Variants in MYH15 observed in about 807,000 individuals in gnomAD.
MYH15 encodes myosin-15.
MYH15 carries 227 observed loss-of-function variants against 240.5 expected under a neutral mutation model. The ratio of observed to expected loss-of-function variants is 0.94; its 90% CI spans 0.85 to 1.05. The LOEUF (loss-of-function observed/expected upper bound fraction) is 1.05, where lower values mean the gene tolerates loss of function less well. Ranked by LOEUF, MYH15 falls within the 50% of genes least tolerant of loss-of-function variation. The pLI, the probability that MYH15 is intolerant of heterozygous loss-of-function variation, is 0.00. For missense variants in MYH15, 2,217 were observed against 2,247.5 expected (o/e 0.99, Z 0.27); for synonymous variants, 785 against 796.7 (o/e 0.99, Z 0.25).
intron 21 of MYH15, among the ~76,000 whole-genome samples, chr3:108,450,325 A>G (rs986364357): frequency 6.6e-6 from 1 of 152,212 alleles, no homozygotes; most frequent in African/African-American, 2.4e-5. Flanking sequence ...AAATAAATAA[A>G]GAAAATGTGT....
At position 108,489,087 on chromosome 3, in the gene MYH15, T is replaced by C. The variant is rs917004291; in HGVS notation, c.872-2561A>G. On this transcript the variant is annotated intron_variant, in intron 9 of 40. Transcript: ENST00000693548. ...CTTCTTTGGAGAGATGTCTGTCAGG[T>C]CCTTTATCCATTTTTTAATCCAGTT... Among the ~76,000 whole-genome samples, 10 of 152,348 alleles carry C rather than the reference T, an allele frequency of 6.6e-5. 1 individual carries two copies. In the East Asian group the frequency reaches 1.9e-3, roughly 29 times the overall value.
chr3:108,465,890 G>C (rs1358441043), intron 14 of MYH15, among the ~76,000 whole-genome samples: 1 of 152,114 alleles, frequency 6.6e-6, no homozygotes, highest in Non-Finnish European at 1.5e-5. Flanking sequence ...TCACACCATT[G>C]CACTCCAGCT....
At chr3:108,470,946 GT>G in intron 12 of MYH15, 99 bp from the exon 13 acceptor site, 1 of 1,201,030 alleles carries the variant, frequency 8.3e-7, no homozygotes, top group Non-Finnish European at 1.2e-6. Context: ...AAATTAGGAT[GT>G]CTTTATTGAC....
In MYH15 at chr3:108,428,472, G is replaced by A; in HGVS notation, c.3702+20C>T. ...ACTTCCATGTTCAGAAGACCACGAG[G>A]ATGGCATGGGAGTATCTACCTTAGC... is the stretch of plus-strand genomic sequence containing the variant. On this transcript the variant is annotated intron_variant, in intron 27 of 40. Coordinates refer to ENST00000693548, the MANE Select transcript of MYH15 (RefSeq NM_014981.3). 2 of 1,581,666 alleles carry A rather than the reference G, an allele frequency of 1.3e-6. No individual in the cohort carries two copies. Among genetic ancestry groups the A allele is most frequent in the Non-Finnish European group, 1.7e-6 (2 of 1,161,254 alleles).
intron 14 of MYH15, 53 bp downstream of exon 14, chr3:108,469,989 G>A: frequency 6.5e-7 from 1 of 1,545,376 alleles, no homozygotes; most frequent in Non-Finnish European, 8.8e-7. Context: ...AACATAGCAG[G>A]CAGGGACAAT....
intron 14 of MYH15, among the ~76,000 whole-genome samples, chr3:108,465,383 C>T (rs947167244): frequency 6.6e-6 from 1 of 152,162 alleles, no homozygotes; most frequent in African/African-American, 2.4e-5. Context: ...CTTGACGGAA[C>T]ACATTTTAAG....
chr3:108,478,741 T>C (rs994151667), intron 11 of MYH15, among the ~76,000 whole-genome samples: 2 of 152,012 alleles, frequency 1.3e-5, no homozygotes, highest in Admixed American at 6.6e-5. Flanking sequence ...AGAGAGATAA[T>C]ACAGGTAATA....
rs781102092 is a variant in MYH15, at chr3:108,444,651, G to A, written c.2644C>T (p.Gln882Ter). 5 of 1,613,952 alleles carry A rather than the reference G, an allele frequency of 3.1e-6. No individual in the cohort carries two copies. The highest frequency in any genetic ancestry group is 4.2e-6 in the Non-Finnish European group (5 of 1,179,914). The change falls in exon 22 of 41, where the codon CAG (glutamine) becomes TAG (stop). Residue 882 changes from glutamine to a stop codon, truncating the protein, a stop_gained. Transcript: ENST00000693548. LOFTEE classifies it high-confidence loss of function. Reference sequence around the variant, plus strand: ...GTGGGGCTACTCACAGCCTGAAGCTGAAGAATCAGGTCATTTTTTTCCTGA... The same window carrying A: ...GTGGGGCTACTCACAGCCTGAAGCTAAAGAATCAGGTCATTTTTTTCCTGA... ...LTQEKNDLIL[Q>*]LQAEQETLAN...
chr3:108,533,439 G>T (rs755382369), upstream of MYH15, among the ~76,000 whole-genome samples: 38 of 152,224 alleles, frequency 2.5e-4, no homozygotes, highest in Non-Finnish European at 4.6e-4. Flanking sequence ...ATTAAAATGT[G>T]ACCACCATGC....
At chr3:108,501,895 T>C in intron 2 of MYH15, 40 bp from the exon 3 acceptor site, 1 of 1,583,542 alleles carries the variant, frequency 6.3e-7, no homozygotes, top group Non-Finnish European at 8.7e-7. Flanking sequence ...TTCCCCTGTC[T>C]CCTATGCGTA....
the MYH15 span, among the ~76,000 whole-genome samples, chr3:108,545,354 G>C: frequency 6.6e-6 from 1 of 152,070 alleles, no homozygotes; most frequent in Admixed American, 6.5e-5. Context: ...GTTTGATGAA[G>C]AGAAAGAGGA....
At chr3:108,443,439 C>G (rs940794072) in intron 22 of MYH15, among the ~76,000 whole-genome samples, 18 of 152,048 alleles carry the variant, frequency 1.2e-4, no homozygotes, top group African/African-American at 4.3e-4. Flanking sequence ...ACAAGAAAAA[C>G]TGTTGTTTCT....
intron 21 of MYH15, among the ~76,000 whole-genome samples, chr3:108,448,100 A>G (rs146653640): frequency 1.2e-3 from 178 of 152,212 alleles, no homozygotes; most frequent in African/African-American, 4.0e-3. Flanking sequence ...GCCTCATAGT[A>G]ACCACAAAGA....
At position 108,437,265 on chromosome 3, in the gene MYH15, G is replaced by A. The variant is rs193149823; in HGVS notation, c.3221+289C>T. Among the ~76,000 whole-genome samples the A allele has an allele frequency of 4.5e-4, 66 of 147,144 alleles. No homozygotes were observed. The East Asian group carries it at 6.1e-3, about 14-fold the overall frequency. ...AGAGTGTCATTTTTATTTTTTTGAC[G>A]TATAGCTGCAAGTTCCCAAAAGTTT... is the stretch of plus-strand genomic sequence containing the variant. On this transcript the variant is annotated intron_variant, in intron 25 of 40. Transcript: ENST00000693548.
chr3:108,508,378 T>C (rs894563400), intron 1 of MYH15, among the ~76,000 whole-genome samples: 8 of 152,220 alleles, frequency 5.3e-5, no homozygotes, highest in African/African-American at 1.9e-4. Context: ...TCATGAATAA[T>C]GCAGAGCTGG....
At chr3:108,498,184 G>T (rs774311518) in intron 5 of MYH15, 39 bp from the exon 6 acceptor site, 15 of 1,565,968 alleles carry the variant, frequency 9.6e-6, no homozygotes, top group Non-Finnish European at 1.2e-5. Context: ...AACTGGTTCT[G>T]ATTATCAATG....
upstream of MYH15, among the ~76,000 whole-genome samples, chr3:108,533,107 A>G (rs2083722301): frequency 6.8e-6 from 1 of 147,860 alleles, no homozygotes; most frequent in Non-Finnish European, 1.5e-5. Flanking sequence ...TATTTTTAAA[A>G]ACAATAAAAG....
chr3:108,468,804 C>G (rs374321426), intron 14 of MYH15, among the ~76,000 whole-genome samples: 44 of 152,258 alleles, frequency 2.9e-4, no homozygotes, highest in African/African-American at 9.9e-4. Flanking sequence ...CACGTTCCTG[C>G]CTGAAAACAG....
upstream of MYH15, among the ~76,000 whole-genome samples, chr3:108,513,381 C>A (rs886474330): frequency 1.3e-5 from 2 of 152,086 alleles, no homozygotes; most frequent in African/African-American, 4.8e-5. Context: ...GAGCAGGGGG[C>A]AGCACTGGAA....
Sources: allele counts gnomAD v4.1 joint callset (sites outside exome capture counted in the v4.1 genomes callset), GRCh38; gene constraint gnomAD v4.1.1; transcripts MANE v1.5; gene names NCBI Gene and HGNC (gene_info 2026-07-23, HGNC 2026-07-21).